Variants in EYA4 observed in about 807,000 individuals in gnomAD.
EYA4 encodes the protein EYA transcriptional coactivator and phosphatase 4.
In EYA4, 31 loss-of-function variants were observed where a neutral mutation model predicts 87.9. The observed-to-expected ratio is 0.35, with a 90% CI of 0.27 to 0.48. EYA4 has a LOEUF of 0.48. EYA4 is among the 20% of genes least tolerant of loss of function. EYA4 has a pLI of 0.99. For missense variants in EYA4, 678 were observed against 761.4 expected (o/e 0.89, Z 1.29); for synonymous variants, 263 against 270.6 (o/e 0.97, Z 0.28).
intron 3 of EYA4, among the ~76,000 whole-genome samples, chr6:133,439,040 A>G (rs1791986324): frequency 9.3e-6 from 1 of 107,314 alleles, no homozygotes; most frequent in African/African-American, 4.0e-5. Context: ...ACAAAGCGAG[A>G]CTCCGTCTCA....
intron 2 of EYA4, among the ~76,000 whole-genome samples, chr6:133,302,215 T>C (rs1008769882): frequency 2.0e-5 from 3 of 152,032 alleles, no homozygotes; most frequent in Non-Finnish European, 4.4e-5. Flanking sequence ...CTGTTTTATT[T>C]TTTGCTCTTT....
chr6:133,494,673 A>T (rs2128735800), intron 13 of EYA4, among the ~76,000 whole-genome samples: 1 of 110,914 alleles, frequency 9.0e-6, no homozygotes, highest in East Asian at 2.2e-4. Context: ...CCCTGCCTCT[A>T]CAAAAAAAAA....
At chr6:133,328,596 C>A (rs1231351140) in intron 2 of EYA4, among the ~76,000 whole-genome samples, 2 of 152,042 alleles carry the variant, frequency 1.3e-5, no homozygotes, top group Non-Finnish European at 2.9e-5. Flanking sequence ...TACTATATGT[C>A]ATTTCTTCAA....
At chr6:133,458,288 T>A (rs1794078354) in intron 6 of EYA4, among the ~76,000 whole-genome samples, 1 of 152,134 alleles carries the variant, frequency 6.6e-6, no homozygotes, top group Non-Finnish European at 1.5e-5. Context: ...AATATTGCAG[T>A]AAGTATATTT....
chr6:133,465,395 A>G (rs769274362), intron 10 of EYA4, among the ~76,000 whole-genome samples: 2 of 152,070 alleles, frequency 1.3e-5, no homozygotes, highest in African/African-American at 2.4e-5. Flanking sequence ...TTTGATTCCC[A>G]CTTTCCTGAC....
chr6:133,388,430 A>T (rs1266267886), intron 3 of EYA4, among the ~76,000 whole-genome samples: 2 of 151,714 alleles, frequency 1.3e-5, no homozygotes, highest in Non-Finnish European at 2.9e-5. Context: ...AAGTCTCAAA[A>T]CATAGACTAT....
At chr6:133,424,294 A>G (rs970051427) in intron 3 of EYA4, among the ~76,000 whole-genome samples, 4 of 151,630 alleles carry the variant, frequency 2.6e-5, no homozygotes, top group African/African-American at 9.7e-5. Context: ...AGGCACCAAG[A>G]CTCCCCACTC....
In EYA4 at chr6:133,528,736, C is replaced by G; in HGVS notation, c.1851C>G (p.Pro617=). 1 of 1,613,070 alleles carries G rather than the reference C, an allele frequency of 6.2e-7. No homozygotes were observed. ...EEQAAKKHNM[P]FWRISSHSDL... is the part of the protein sequence containing the mutation. ...TCCTAACCACACAGCACAACATGCC[C>G]TTCTGGAGGATATCCAGTCACTCAG... Residue 617 remains proline (P), a synonymous_variant, in exon 20 of 20, where the codon CCC becomes CCG. Transcript: ENST00000355286.
intron 1 of EYA4, among the ~76,000 whole-genome samples, chr6:133,245,906 T>C (rs895297142): frequency 3.9e-5 from 6 of 152,218 alleles, no homozygotes; most frequent in African/African-American, 1.4e-4. Context: ...TTTGGTGATA[T>C]GTCATTTTAC....
At chr6:133,509,184 C>A (rs56208430) in intron 14 of EYA4, among the ~76,000 whole-genome samples, 8,122 of 152,230 alleles carry the variant, frequency 0.053, 292 homozygotes, top group Middle Eastern at 0.095. Flanking sequence ...GCGCCCTATC[C>A]TTCTGCATCT....
intron 16 of EYA4, among the ~76,000 whole-genome samples, chr6:133,515,051 G>A (rs551503092): frequency 1.3e-5 from 2 of 152,280 alleles, no homozygotes; most frequent in South Asian, 2.1e-4. Context: ...GATCCACTGC[G>A]CTAGATTGTA....
intron 11 of EYA4, among the ~76,000 whole-genome samples, chr6:133,480,585 T>C (rs748929744): frequency 6.6e-6 from 1 of 152,118 alleles, no homozygotes; most frequent in Admixed American, 6.6e-5. Context: ...GTAAAACATA[T>C]CATTGATAAT....
chr6:133,503,530 T>C (rs1798319678), intron 13 of EYA4, among the ~76,000 whole-genome samples: 1 of 152,164 alleles, frequency 6.6e-6, no homozygotes, highest in African/African-American at 2.4e-5. Flanking sequence ...AGTTTTATTG[T>C]CTTGCATCAG....
At chr6:133,442,946 G>A (rs1562426382) in intron 3 of EYA4, among the ~76,000 whole-genome samples, 1 of 151,938 alleles carries the variant, frequency 6.6e-6, no homozygotes, top group Non-Finnish European at 1.5e-5. Context: ...ATTTCCACAT[G>A]TGAAATCAGC....
At chr6:133,364,753 T>A (rs1336854326) in intron 2 of EYA4, among the ~76,000 whole-genome samples, 1 of 152,186 alleles carries the variant, frequency 6.6e-6, no homozygotes. Flanking sequence ...TATTTGATAG[T>A]CTTTCCATGC....
At chr6:133,338,291 T>G (rs1782527808) in intron 2 of EYA4, among the ~76,000 whole-genome samples, 2 of 152,194 alleles carry the variant, frequency 1.3e-5, no homozygotes. Flanking sequence ...AAAAGGTCAC[T>G]ACATCAATTG....
intron 13 of EYA4, among the ~76,000 whole-genome samples, chr6:133,485,430 C>G (rs1796607105): frequency 6.6e-6 from 1 of 151,784 alleles, no homozygotes; most frequent in African/African-American, 2.4e-5. Context: ...GCTGTTCTCT[C>G]AAAGCTATAG....
intron 2 of EYA4, among the ~76,000 whole-genome samples, chr6:133,295,696 A>C (rs747351774): frequency 9.2e-5 from 14 of 152,334 alleles, no homozygotes; most frequent in Admixed American, 9.2e-4. Flanking sequence ...GCCCAAACTC[A>C]TATAGAAATT....
At chr6:133,367,613 C>T (rs1413183530) in intron 2 of EYA4, among the ~76,000 whole-genome samples, 2 of 152,092 alleles carry the variant, frequency 1.3e-5, no homozygotes, top group African/African-American at 2.4e-5. Context: ...GTGGCTGACT[C>T]TCATAGATTG....
Sources: gnomAD v4.1 joint callset for allele counts (sites outside exome capture counted in the v4.1 genomes callset) on GRCh38, gnomAD v4.1.1 for gene constraint, MANE v1.5 for transcripts, NCBI Gene and HGNC (gene_info 2026-07-23, HGNC 2026-07-21) for gene names.